The following PPP5C variants were observed in gnomAD, a reference collection of about 807,000 sequenced individuals.
PPP5C encodes protein phosphatase 5 catalytic subunit.
PPP5C carries 21 observed loss-of-function variants against 66.7 expected under a neutral mutation model. That is an observed-to-expected ratio of 0.31 (90% CI 0.22 to 0.45). The LOEUF (loss-of-function observed/expected upper bound fraction) is 0.45. Ranked by LOEUF, PPP5C falls within the 20% of genes least tolerant of loss-of-function variation. The pLI is 1.00. For missense variants in PPP5C, 464 were observed against 675.9 expected (o/e 0.69, Z 3.48); for synonymous variants, 246 against 257.4 (o/e 0.96, Z 0.43).
In PPP5C at chr19:46,383,368, C is replaced by T; in HGVS notation, c.634-43C>T. 3 of 1,594,272 alleles carry T rather than the reference C, an allele frequency of 1.9e-6. No individual in the cohort carries two copies. Among genetic ancestry groups the T allele is most frequent in the South Asian group, 2.3e-5 (2 of 87,618 alleles). The stretch of plus-strand genomic sequence containing the variant: ...AGGCTTTCGGGGCCAGGTTGGGCAG[C>T]AGCCCCTGCAGCCGGTCCCACTGAG... On this transcript the variant is annotated intron_variant, in intron 4 of 12. Transcript: ENST00000012443. The surrounding 1 kb of genome is among the most constrained non-coding windows in gnomAD (Gnocchi z 5.0).
In PPP5C at chr19:46,376,309, C is replaced by T. The variant is rs1178310869; in HGVS notation, c.512-144C>T. The T allele has an allele frequency of 5.6e-6, 6 of 1,069,466 alleles. No individual in the cohort carries two copies. Among genetic ancestry groups the T allele is most frequent in the Non-Finnish European group, 8.0e-6 (6 of 746,892 alleles). 66.2% of individuals were successfully genotyped at this position (1,069,466 alleles called of 1,614,324 possible). A position where few individuals can be genotyped will look rare whatever the true frequency, so the allele number is the denominator to read the frequency against. On this transcript the variant is annotated intron_variant, in intron 3 of 12. Coordinates refer to ENST00000012443, the MANE Select transcript of PPP5C (RefSeq NM_006247.4). This position sits in a 1 kb window ranked among gnomAD's most constrained non-coding sequence, Gnocchi z 5.1. The stretch of plus-strand genomic sequence containing the variant: ...AGAGGCCTCTGGGCCAGACCTGACC[C>T]AGGAGGGGACTCTTCACTCACTCTG...
Position 46,390,669 on chromosome 19 carries a change from T to C in PPP5C, c.*323T>C, listed in dbSNP as rs978182191. 8.1e-7 allele frequency: 1 copy of C among 1,230,978 alleles called. No homozygotes were observed. Among genetic ancestry groups the C allele is most frequent in the Non-Finnish European group, 1.0e-6 (1 of 971,948 alleles). The allele number at this position is 1,230,978 out of a possible 1,614,324, so 76.3% of individuals were successfully genotyped here. The stretch of plus-strand genomic sequence containing the variant: ...CTGCCCCCCTCATTTGCATGGCTCC[T>C]CCCCCACTCAAGCAATAGGGCCCCG... On this transcript the variant is annotated 3_prime_UTR_variant, in exon 13 of 13. Transcript: ENST00000012443.
chr19:46,383,090 C>T lies in PPP5C; in HGVS notation c.634-321C>T. 5.9e-6 allele frequency: 7 copies of T among 1,193,412 alleles called. No individual in the cohort carries two copies. The highest frequency in any genetic ancestry group is 7.6e-6 in the Non-Finnish European group (7 of 924,700). The allele number at this position is 1,193,412 out of a possible 1,614,324, so 73.9% of individuals were successfully genotyped here. A position where few individuals can be genotyped will look rare whatever the true frequency, so the allele number is the denominator to read the frequency against. On this transcript the variant is annotated intron_variant, in intron 4 of 12. Coordinates refer to ENST00000012443, the MANE Select transcript of PPP5C (RefSeq NM_006247.4). This position sits in a 1 kb window ranked among gnomAD's most constrained non-coding sequence, Gnocchi z 5.0. ...ACAGTGACATTGCGCTGTGTCCAGG[C>T]CAGTTCTTTTATAAAATGTTCTACG...
At chr19:46,380,337 A>AG (rs1167849663) in intron 4 of PPP5C, among the ~76,000 whole-genome samples, 5 of 151,106 alleles carry the variant, frequency 3.3e-5, no homozygotes, top group Admixed American at 6.6e-5. Context: ...AAAAAAAAAA[A>AG]GAATCTTACA....
chr19:46,384,063 T>G, intron 6 of PPP5C, 185 bp downstream of exon 6: 1 of 603,458 alleles, frequency 1.7e-6, no homozygotes, highest in African/African-American at 1.9e-5. Flanking sequence ...GGCTCCAGGC[T>G]CGGACAGGCC....
Position 46,390,790 on chromosome 19 carries a change from C to G in PPP5C, c.*444C>G, listed in dbSNP as rs1361684994. The G allele has an allele frequency of 8.9e-7, 1 of 1,126,026 alleles. No homozygotes were observed. The allele number at this position is 1,126,026 out of a possible 1,614,324, so 69.8% of individuals were successfully genotyped here. A position where few individuals can be genotyped will look rare whatever the true frequency, so the allele number is the denominator to read the frequency against. On this transcript the variant is annotated 3_prime_UTR_variant, in exon 13 of 13. Coordinates refer to ENST00000012443, the MANE Select transcript of PPP5C (RefSeq NM_006247.4). The stretch of plus-strand genomic sequence containing the variant: ...GGTGGGGCTAGGCTGGGGCTCACCC[C>G]CCTCCCCAGCTATTTTATGTCTGTA...
chr19:46,366,156 G>A (rs542068417), intron 2 of PPP5C, among the ~76,000 whole-genome samples: 1 of 152,186 alleles, frequency 6.6e-6, no homozygotes, highest in African/African-American at 2.4e-5. Flanking sequence ...CGAGTCCAGG[G>A]GCACCCAGTG....
At chr19:46,384,707 G>A (rs950079935) in intron 6 of PPP5C, 97 bp from the exon 7 acceptor site, 14 of 909,918 alleles carry the variant, frequency 1.5e-5, no homozygotes, top group Non-Finnish European at 2.3e-5. Context: ...AGGCCAGGCA[G>A]GAGCAGCCCA....
At chr19:46,371,213 T>C (rs978784081) in intron 2 of PPP5C, among the ~76,000 whole-genome samples, 1 of 152,180 alleles carries the variant, frequency 6.6e-6, no homozygotes, top group African/African-American at 2.4e-5. Context: ...CTGTGCTCCC[T>C]GGCCCTTCCT....
rs75405217 is a variant in PPP5C at position 46,378,190 on chromosome 19, C to T, written c.633+1616C>T. Among the ~76,000 whole-genome samples, 987 of 152,196 alleles carry T rather than the reference C, an allele frequency of 6.5e-3. 11 individuals carry two copies. Among genetic ancestry groups the T allele is most frequent in the African/African-American group, 0.022 (904 of 41,518 alleles). On this transcript the variant is annotated intron_variant, in intron 4 of 12. Transcript: ENST00000012443. ...TAGCTGCGTCCCGTGAATTTTAATA[C>T]GTCGTATTTTCATTATCATTGAGTT... is the stretch of plus-strand genomic sequence containing the variant.
intron 4 of PPP5C, among the ~76,000 whole-genome samples, chr19:46,379,980 C>CAAATAATAATAT (rs889000400): frequency 3.9e-5 from 6 of 152,180 alleles, no homozygotes; most frequent in African/African-American, 1.4e-4. Flanking sequence ...ATTCTACTTT[C>CAAATAATAATAT]AAATAATAAT....
intron 2 of PPP5C, among the ~76,000 whole-genome samples, chr19:46,374,638 G>A (rs1972659628): frequency 6.6e-6 from 1 of 152,192 alleles, no homozygotes; most frequent in African/African-American, 2.4e-5. Context: ...ATGTCCCAAA[G>A]CTGAACGCCC....
At chr19:46,385,053 T>C (rs558087175) in intron 7 of PPP5C, 144 bp downstream of exon 7, 443 of 640,590 alleles carry the variant, frequency 6.9e-4, no homozygotes, top group Non-Finnish European at 1.0e-3. Flanking sequence ...GAGTATGTAG[T>C]GCACTGCACA....
At chr19:46,366,015 G>T (rs929237591) in intron 2 of PPP5C, among the ~76,000 whole-genome samples, 2 of 152,074 alleles carry the variant, frequency 1.3e-5, no homozygotes, top group African/African-American at 4.8e-5. Context: ...AAGAGAGATA[G>T]AACCACTCAA....
chr19:46,386,052 G>A (rs1972880152), intron 7 of PPP5C, among the ~76,000 whole-genome samples: 1 of 152,184 alleles, frequency 6.6e-6, no homozygotes, highest in African/African-American at 2.4e-5. Context: ...GCCCTCTAGG[G>A]TTTTGGCCGG....
rs955959489 is a variant in PPP5C at position 46,347,648 on chromosome 19, TG to T, written c.121+435del. On this transcript the variant is annotated intron_variant, in intron 1 of 12. Transcript: ENST00000012443. ...CCAATAGAGAAGGCAATCGTGGGGGTGGGGAATGGATCATTAGATGGGGGGA... is the reference window on the plus strand; with the variant it reads ...CCAATAGAGAAGGCAATCGTGGGGGTGGGAATGGATCATTAGATGGGGGGA... Among the ~76,000 whole-genome samples the T allele has an allele frequency of 5.2e-4, 33 of 63,526 alleles. 1 individual carries two copies. The South Asian group carries it at 9.9e-3, about 19-fold the overall frequency. The allele number at this position is 63,526 out of a possible 152,430, so 41.7% of individuals were successfully genotyped here. A position where few individuals can be genotyped will look rare whatever the true frequency, so the allele number is the denominator to read the frequency against.
chr19:46,348,617 C>CA (rs1217889409), intron 1 of PPP5C, among the ~76,000 whole-genome samples: 1 of 152,000 alleles, frequency 6.6e-6, no homozygotes, highest in East Asian at 1.9e-4. Context: ...CCCAGCCCTA[C>CA]AAGAAGACAC....
rs767190506 is a variant in PPP5C at position 46,376,376 on chromosome 19, T to C, written c.512-77T>C. ...TGTGTCCACACCCAAGTTTTCCCCA[T>C]CCCTGGGAGCGAGACCCCCTTCTCC... On this transcript the variant is annotated intron_variant, in intron 3 of 12. Coordinates refer to ENST00000012443, the MANE Select transcript of PPP5C (RefSeq NM_006247.4). This position sits in a 1 kb window ranked among gnomAD's most constrained non-coding sequence, Gnocchi z 5.1. 2.1e-5 allele frequency: 33 copies of C among 1,561,110 alleles called. No individual in the cohort carries two copies. Among genetic ancestry groups the C allele is most frequent in the Non-Finnish European group, 2.9e-5 (33 of 1,146,706 alleles).
chr19:46,363,169 A>T, intron 2 of PPP5C, among the ~76,000 whole-genome samples: 1 of 140,264 alleles, frequency 7.1e-6, no homozygotes, highest in Non-Finnish European at 1.5e-5. Context: ...TTAGCTGGGC[A>T]TGGTGGCGGG....
Sources: allele counts gnomAD v4.1 joint callset (sites outside exome capture counted in the v4.1 genomes callset), GRCh38; gene constraint gnomAD v4.1.1; non-coding constraint Gnocchi (gnomAD v3.1); transcripts MANE v1.5; gene names NCBI Gene and HGNC (gene_info 2026-07-23, HGNC 2026-07-21).